COL11A2: variants seen among roughly 807,000 people sequenced by gnomAD.
COL11A2 encodes the protein collagen alpha-2(XI) chain.
A neutral mutation model predicts 273.4 loss-of-function variants in COL11A2; 116 were observed. The ratio of observed to expected loss-of-function variants is 0.42; its 90% CI spans 0.36 to 0.49. COL11A2 has a LOEUF of 0.49. COL11A2 is among the 20% of genes least tolerant of loss of function. The pLI, the probability that COL11A2 is intolerant of heterozygous loss-of-function variation, is 0.00. For synonymous variants in COL11A2, 782 were observed against 864.2 expected (o/e 0.90, Z 1.67); for missense variants, 1,866 against 2,309.0 (o/e 0.81, Z 3.93).
chr6:33,184,962 A>T (rs988784650), intron 7 of COL11A2, 30 bp downstream of exon 7: 4 of 1,543,018 alleles, frequency 2.6e-6, no homozygotes, highest in Non-Finnish European at 3.5e-6. Flanking sequence ...CACTGCCCCC[A>T]GATGGGGTGA....
intron 8 of COL11A2, among the ~76,000 whole-genome samples, chr6:33,182,831 C>A (rs1201794471): frequency 6.6e-6 from 1 of 152,196 alleles, no homozygotes; most frequent in South Asian, 2.1e-4. Flanking sequence ...TACCTGTTCC[C>A]AACTCTAGGG....
In COL11A2 at chr6:33,167,924, C is replaced by A. The variant is rs2150527880; in HGVS notation, c.3961-72G>T. 4 of 1,538,086 alleles carry A rather than the reference C, an allele frequency of 2.6e-6. No homozygotes were observed. The highest frequency in any genetic ancestry group is 1.7e-4 in the Middle Eastern group (1 of 5,914). On this transcript the variant is annotated intron_variant, in intron 54 of 65. Transcript: ENST00000341947. This position sits in a 1 kb window ranked among gnomAD's most constrained non-coding sequence, Gnocchi z 6.1. ...AGGCTCAACTCTTCCCCCTTCCTGT[C>A]CTAGACACACACATACACATGCACA... is the stretch of plus-strand genomic sequence containing the variant.
At position 33,169,102 on chromosome 6, in the gene COL11A2, C is replaced by G; in HGVS notation, c.3799-94G>C. ...GCACACGCCACTGCCTCTCTAGAGG[C>G]AGTGCCCACCAGTACCCCCCAGGAA... is the stretch of plus-strand genomic sequence containing the variant. On this transcript the variant is annotated intron_variant, in intron 51 of 65. Coordinates refer to ENST00000341947, the MANE Select transcript of COL11A2 (RefSeq NM_080680.3). This position sits in a 1 kb window ranked among gnomAD's most constrained non-coding sequence, Gnocchi z 5.5. The G allele has an allele frequency of 8.3e-7, 1 of 1,205,302 alleles. No individual in the cohort carries two copies. Among genetic ancestry groups the G allele is most frequent in the Admixed American group, 2.3e-5 (1 of 43,206 alleles). 74.7% of individuals were successfully genotyped at this position (1,205,302 alleles called of 1,614,324 possible).
At position 33,177,566 on chromosome 6, in the gene COL11A2, C is replaced by A; in HGVS notation, c.1917+96G>T. 1 of 1,585,970 alleles carries A rather than the reference C, an allele frequency of 6.3e-7. No homozygotes were observed. Among genetic ancestry groups the A allele is most frequent in the Non-Finnish European group, 8.6e-7 (1 of 1,156,760 alleles). On this transcript the variant is annotated intron_variant, in intron 22 of 65. Transcript: ENST00000341947. The surrounding 1 kb of genome is among the most constrained non-coding windows in gnomAD (Gnocchi z 5.9). ...GCAGCGATAGCCAAGAAGGCAAGAGCAGGAAGCAGGCAGGGGTCAAAATGG... is the reference window on the plus strand; with the variant it reads ...GCAGCGATAGCCAAGAAGGCAAGAGAAGGAAGCAGGCAGGGGTCAAAATGG...
Position 33,174,293 on chromosome 6 carries a change from G to A in COL11A2, c.2431-75C>T, listed in dbSNP as rs116914590. ...TTCAGGAAGGGGCAAAGGGGGTCAG[G>A]AGAGGCCACAAAGGCAGTGGCCAGG... On this transcript the variant is annotated intron_variant, in intron 31 of 65. Coordinates refer to ENST00000341947, the MANE Select transcript of COL11A2 (RefSeq NM_080680.3). The A allele has an allele frequency of 3.7e-4, 569 of 1,537,922 alleles. 1 individual carries two copies. The East Asian group carries it at 0.014, about 37-fold the overall frequency.
In COL11A2 at chr6:33,166,758, G is replaced by A. The variant is rs1769205442; in HGVS notation, c.4300C>T (p.Pro1434Ser). Reference sequence around the variant, plus strand: ...TGCCCAGGGGAGCCCTGAGGCCCAGGAAGTCCCCGATCTCCCTTCTCTCCC... The same window carrying A: ...TGCCCAGGGGAGCCCTGAGGCCCAGAAAGTCCCCGATCTCCCTTCTCTCCC... ...EQGEKGDRGL[P>S]GPQGSPGQKG... The change falls in exon 59 of 66, where the codon CCT (proline) becomes TCT (serine). Residue 1434 changes from proline (P) to serine (S), a missense_variant. Coordinates refer to ENST00000341947, the MANE Select transcript of COL11A2 (RefSeq NM_080680.3). This position sits in a 1 kb window ranked among gnomAD's most constrained non-coding sequence, Gnocchi z 4.8. 1 of 1,613,486 alleles carries A rather than the reference G, an allele frequency of 6.2e-7. No homozygotes were observed. The highest frequency in any genetic ancestry group is 8.5e-7 in the Non-Finnish European group (1 of 1,180,022).
intron 4 of COL11A2, among the ~76,000 whole-genome samples, chr6:33,187,307 A>T (rs929119179): frequency 1.3e-5 from 2 of 152,186 alleles, no homozygotes; most frequent in Non-Finnish European, 2.9e-5. Flanking sequence ...CTGAGTTCCA[A>T]TGGCATTTAC....
rs780007344 is a variant in COL11A2, at chr6:33,189,505, GC to G, written c.83-37del. On this transcript the variant is annotated intron_variant, in intron 1 of 65. Coordinates refer to ENST00000341947, the MANE Select transcript of COL11A2 (RefSeq NM_080680.3). This position sits in a 1 kb window ranked among gnomAD's most constrained non-coding sequence, Gnocchi z 5.6. ...CCATGATTATCAGGAGAAGGGACAT[GC>G]CCTCAGGAGGGCATAAATAGGGGAC... 16 of 1,610,304 alleles carry G rather than the reference GC, an allele frequency of 9.9e-6. No individual in the cohort carries two copies. The highest frequency in any genetic ancestry group is 1.3e-5 in the African/African-American group (1 of 74,856).
chr6:33,171,762 C>A lies in COL11A2; in HGVS notation c.3101G>T (p.Arg1034Leu). The A allele has an allele frequency of 6.2e-7, 1 of 1,612,872 alleles. No individual in the cohort carries two copies. The highest frequency in any genetic ancestry group is 8.5e-7 in the Non-Finnish European group (1 of 1,179,936). The stretch of plus-strand genomic sequence containing the variant: ...TCCAGGGGGACCCTGCGGGCCTGGG[C>A]GCCCTGGCGGACCAATGGGTCCCCC... ...GSGGPIGPPG[R>L]PGPQGPPGAA... Residue 1034 changes from arginine (R) to leucine (L), a missense_variant, in exon 42 of 66, where the codon CGC (arginine) becomes CTC (leucine). Transcript: ENST00000341947.
rs267600981 is a variant in COL11A2 at position 33,171,818 on chromosome 6, G to A, written c.3045C>T (p.Gly1015=). 48 of 1,612,668 alleles carry A rather than the reference G, an allele frequency of 3.0e-5. No homozygotes were observed. The highest frequency in any genetic ancestry group is 8.3e-5 in the Admixed American group (5 of 59,994). The change falls in exon 42 of 66, where the codon GGC becomes GGT. Residue 1015 remains glycine (G), a splice_region_variant and synonymous_variant. Transcript: ENST00000341947. ...CTGCTGCACCTCGTTCCCCAGGGGA[G>A]CCCTGAGAAAGCAGATGGTCAGACC... ...EGPSGPPGPA[G]SPGERGAAGS... is the part of the protein sequence containing the mutation.
Position 33,163,550 on chromosome 6 carries a change from G to A in COL11A2, c.*128C>T. 1 of 1,475,998 alleles carries A rather than the reference G, an allele frequency of 6.8e-7. No individual in the cohort carries two copies. The highest frequency in any genetic ancestry group is 9.4e-7 in the Non-Finnish European group (1 of 1,060,954). 91.4% of individuals were successfully genotyped at this position (1,475,998 alleles called of 1,614,324 possible). A position where few individuals can be genotyped will look rare whatever the true frequency, so the allele number is the denominator to read the frequency against. ...CCTCCCCTGGCCTGCCCCGACTGAG[G>A]GCTCTCCACGCCCTGGCCCAGGGCT... On this transcript the variant is annotated 3_prime_UTR_variant, in exon 66 of 66. Transcript: ENST00000341947. The surrounding 1 kb of genome is among the most constrained non-coding windows in gnomAD (Gnocchi z 4.1).
At chr6:33,182,330 T>C (rs1032832612) in intron 8 of COL11A2, among the ~76,000 whole-genome samples, 5 of 152,200 alleles carry the variant, frequency 3.3e-5, no homozygotes, top group African/African-American at 7.2e-5. Context: ...AATGAAAAAG[T>C]ATATGCTATT....
At position 33,186,627 on chromosome 6, in the gene COL11A2, C is replaced by T; in HGVS notation, c.798G>A (p.Gln266=). ...TTGGGGGTTCTCCCAGCTCCCTCAC[C>T]TGGCTCTGGGGTTCCTGATTTTGTG... ...HRPQNQEPQS[Q]PTESLYYDYE... is the part of the protein sequence containing the mutation. Residue 266 remains glutamine (Q), a splice_region_variant and synonymous_variant, in exon 5 of 66, where the codon CAG becomes CAA. Transcript: ENST00000341947. 2 of 1,614,150 alleles carry T rather than the reference C, an allele frequency of 1.2e-6. No individual in the cohort carries two copies. The highest frequency in any genetic ancestry group is 1.7e-6 in the Non-Finnish European group (2 of 1,180,026).
chr6:33,174,221 G>A lies in COL11A2; in HGVS notation c.2431-3C>T. 1 of 1,560,936 alleles carries A rather than the reference G, an allele frequency of 6.4e-7. No homozygotes were observed. The highest frequency in any genetic ancestry group is 8.7e-7 in the Non-Finnish European group (1 of 1,153,068). ...AAGCCAGGAAATCCTAGGGACCCCTGGTGAGAACGGAGAAGGGGGGAAATT... is the reference window on the plus strand; with the variant it reads ...AAGCCAGGAAATCCTAGGGACCCCTAGTGAGAACGGAGAAGGGGGGAAATT... On this transcript the variant is annotated splice_region_variant and splice_polypyrimidine_tract_variant and intron_variant, in intron 31 of 65. Transcript: ENST00000341947.
chr6:33,173,840 G>A lies in COL11A2; in HGVS notation c.2583+33C>T, dbSNP rs45493595. On this transcript the variant is annotated intron_variant, in intron 34 of 65. Transcript: ENST00000341947. This position sits in a 1 kb window ranked among gnomAD's most constrained non-coding sequence, Gnocchi z 6.3. ...AGGGAGAGCTGGGGCTGAGTGGGCA[G>A]GGGGCAGTTGGAGCCTTGTAGAGAC... The A allele has an allele frequency of 1.0e-3, 1,682 of 1,613,400 alleles. 2 individuals carry two copies. The highest frequency in any genetic ancestry group is 1.3e-3 in the Non-Finnish European group (1,592 of 1,179,374).
Position 33,179,156 on chromosome 6 carries a change from G to T in COL11A2, c.1558-30C>A. 6.2e-7 allele frequency: 1 copy of T among 1,612,318 alleles called. No homozygotes were observed. On this transcript the variant is annotated intron_variant, in intron 15 of 65. Transcript: ENST00000341947. This position sits in a 1 kb window ranked among gnomAD's most constrained non-coding sequence, Gnocchi z 6.4. Reference sequence around the variant, plus strand: ...TGAGAGGAGAGATGGGGTGGGGTTAGGAGGCATAGGGAGGGGAGTGAGGGA... The same window carrying T: ...TGAGAGGAGAGATGGGGTGGGGTTATGAGGCATAGGGAGGGGAGTGAGGGA...
Position 33,169,620 on chromosome 6 carries a change from A to G in COL11A2, c.3691-130T>C. ...ACAATGGGACATACACAGAAAGTCA[A>G]GCCTACAAGGGGAGTTCCCTAGTCC... On this transcript the variant is annotated intron_variant, in intron 50 of 65. Coordinates refer to ENST00000341947, the MANE Select transcript of COL11A2 (RefSeq NM_080680.3). The surrounding 1 kb of genome is among the most constrained non-coding windows in gnomAD (Gnocchi z 5.5). 9.0e-7 allele frequency: 1 copy of G among 1,114,668 alleles called. No individual in the cohort carries two copies. The highest frequency in any genetic ancestry group is 1.3e-6 in the Non-Finnish European group (1 of 744,442). The allele number at this position is 1,114,668 out of a possible 1,614,324, so 69.0% of individuals were successfully genotyped here. A position where few individuals can be genotyped will look rare whatever the true frequency, so the allele number is the denominator to read the frequency against.
chr6:33,163,934 G>C lies in COL11A2; in HGVS notation c.5071-116C>G. On this transcript the variant is annotated intron_variant, in intron 65 of 65. Coordinates refer to ENST00000341947, the MANE Select transcript of COL11A2 (RefSeq NM_080680.3). The surrounding 1 kb of genome is among the most constrained non-coding windows in gnomAD (Gnocchi z 4.1). Reference sequence around the variant, plus strand: ...ACCTTGGCCCCATCAGGGTGACTCAGGATGTACAGACTGGCAGTGTCTATG... The same window carrying C: ...ACCTTGGCCCCATCAGGGTGACTCACGATGTACAGACTGGCAGTGTCTATG... 1 of 1,475,936 alleles carries C rather than the reference G, an allele frequency of 6.8e-7. No individual in the cohort carries two copies. The highest frequency in any genetic ancestry group is 1.2e-5 in the South Asian group (1 of 86,860). 91.4% of individuals were successfully genotyped at this position (1,475,936 alleles called of 1,614,324 possible).
At chr6:33,171,687 C>T in intron 42 of COL11A2, 26 bp downstream of exon 42, 1 of 1,600,718 alleles carries the variant, frequency 6.2e-7, no homozygotes, top group East Asian at 2.2e-5. Flanking sequence ...CTCCCCAGTA[C>T]CCCTCCCCAA....
Sources: gnomAD v4.1 joint callset for allele counts (sites outside exome capture counted in the v4.1 genomes callset) on GRCh38, gnomAD v4.1.1 for gene constraint, Gnocchi (gnomAD v3.1) non-coding constraint, MANE v1.5 for transcripts, NCBI Gene and HGNC (gene_info 2026-07-23, HGNC 2026-07-21) for gene names.